CAMK4: variants seen among roughly 807,000 people sequenced by gnomAD.
CAMK4 encodes calcium/calmodulin-dependent protein kinase type IV.
Under a neutral mutation model 44.9 loss-of-function variants are expected in CAMK4, and 22 were observed. The observed-to-expected ratio is 0.49, with a 90% confidence interval of 0.35 to 0.70. The LOEUF is 0.70. CAMK4 is among the 30% of genes least tolerant of loss of function. The probability of loss-of-function intolerance (pLI) is 0.01; values close to 1 mark genes in which losing one functional copy is unlikely to be tolerated. For synonymous variants in CAMK4, 218 were observed against 215.4 expected (o/e 1.01, Z -0.11); for missense variants, 498 against 586.8 (o/e 0.85, Z 1.56).
At chr5:111,378,237 A>C (rs1366170562) in intron 4 of CAMK4, among the ~76,000 whole-genome samples, 1 of 152,106 alleles carries the variant, frequency 6.6e-6, no homozygotes, top group Non-Finnish European at 1.5e-5. Flanking sequence ...GCGGGCCCTC[A>C]CCAGACACAA....
chr5:111,476,832 T>C (rs1459182213), intron 8 of CAMK4, among the ~76,000 whole-genome samples: 1 of 152,204 alleles, frequency 6.6e-6, no homozygotes, highest in Non-Finnish European at 1.5e-5. Context: ...ACACTACAGT[T>C]CTGCCCTAAG....
chr5:111,422,092 A>G (rs1358324194), intron 5 of CAMK4, among the ~76,000 whole-genome samples: 1 of 152,208 alleles, frequency 6.6e-6, no homozygotes, highest in Non-Finnish European at 1.5e-5. Context: ...GAGTGTGAGA[A>G]CGGACTAATA....
rs993979221 is a variant in CAMK4, at chr5:111,384,331, C to T, written c.386+7389C>T. On this transcript the variant is annotated intron_variant, in intron 4 of 10. Transcript: ENST00000282356. ...CAGCGTCTCTTTTTCTCTTGGCTTTCGTCCAACTTTTCAGCCGTCTCCCTC... is the reference window on the plus strand; with the variant it reads ...CAGCGTCTCTTTTTCTCTTGGCTTTTGTCCAACTTTTCAGCCGTCTCCCTC... Among the ~76,000 whole-genome samples, 4 of 152,192 alleles carry T rather than the reference C, an allele frequency of 2.6e-5. No individual in the cohort carries two copies. The South Asian group carries it at 6.2e-4, about 24-fold the overall frequency.
intron 1 of CAMK4, among the ~76,000 whole-genome samples, chr5:111,251,581 A>G (rs1016701508): frequency 1.3e-5 from 2 of 152,236 alleles, no homozygotes; most frequent in Admixed American, 6.5e-5. Flanking sequence ...TTCTTTCTCA[A>G]ATAAAAAACA....
At chr5:111,457,982 G>A (rs766436743) in intron 7 of CAMK4, among the ~76,000 whole-genome samples, 34 of 152,260 alleles carry the variant, frequency 2.2e-4, no homozygotes, top group Admixed American at 1.5e-3. Context: ...CTACTTGACC[G>A]GCTCGTGTGC....
In CAMK4 at chr5:111,490,231, G is replaced by A. The variant is rs1442162915; in HGVS notation, c.*5765G>A. The stretch of plus-strand genomic sequence containing the variant: ...CCTGAGCTCTCTCTCAACTTTGACA[G>A]TTTGTGAATGATAAAAAGTTACTAG... On this transcript the variant is annotated 3_prime_UTR_variant, in exon 11 of 11. Coordinates refer to ENST00000282356, the MANE Select transcript of CAMK4 (RefSeq NM_001744.6). 1 of 152,182 alleles carries A rather than the reference G, an allele frequency of 6.6e-6. No homozygotes were observed. The highest frequency in any genetic ancestry group is 6.5e-5 in the Admixed American group (1 of 15,270). 9.4% of individuals were successfully genotyped at this position (152,182 alleles called of 1,614,324 possible). A position where few individuals can be genotyped will look rare whatever the true frequency, so the allele number is the denominator to read the frequency against.
At position 111,485,094 on chromosome 5, in the gene CAMK4, C is replaced by T. The variant is rs1580815413; in HGVS notation, c.*628C>T. 1 of 152,114 alleles carries T rather than the reference C, an allele frequency of 6.6e-6. No individual in the cohort carries two copies. Among genetic ancestry groups the T allele is most frequent in the East Asian group, 1.9e-4 (1 of 5,196 alleles). The allele number at this position is 152,114 out of a possible 1,614,324, so 9.4% of individuals were successfully genotyped here. A position where few individuals can be genotyped will look rare whatever the true frequency, so the allele number is the denominator to read the frequency against. ...TTTATTTTATTCTTATTTATATACACTATATTAATAATAACCAAAATGTTC... is the reference window on the plus strand; with the variant it reads ...TTTATTTTATTCTTATTTATATACATTATATTAATAATAACCAAAATGTTC... On this transcript the variant is annotated 3_prime_UTR_variant, in exon 11 of 11. Transcript: ENST00000282356.
At chr5:111,267,933 A>T (rs1750336425) in intron 1 of CAMK4, among the ~76,000 whole-genome samples, 4 of 152,202 alleles carry the variant, frequency 2.6e-5, no homozygotes, top group African/African-American at 9.7e-5. Flanking sequence ...TTGTCTGGGT[A>T]GCAAACGGTA....
intron 1 of CAMK4, among the ~76,000 whole-genome samples, chr5:111,288,064 T>C (rs1751309774): frequency 6.6e-6 from 1 of 152,214 alleles, no homozygotes; most frequent in South Asian, 2.1e-4. Context: ...TAAATGAAAT[T>C]ATGTAGTGTA....
chr5:111,391,767 T>A lies in CAMK4; in HGVS notation c.387-2943T>A, dbSNP rs115192822. Among the ~76,000 whole-genome samples, 681 of 152,278 alleles carry A rather than the reference T, an allele frequency of 4.5e-3. 6 individuals are homozygous for A. The highest frequency in any genetic ancestry group is 0.016 in the African/African-American group (653 of 41,564). On this transcript the variant is annotated intron_variant, in intron 4 of 10. Coordinates refer to ENST00000282356, the MANE Select transcript of CAMK4 (RefSeq NM_001744.6). ...TGAAAGATTATGCCACAAATCTGAA[T>A]AACTAAACCCAGAACAACTACCGTG...
At chr5:111,429,491 G>A (rs1162838217) in intron 5 of CAMK4, among the ~76,000 whole-genome samples, 1 of 150,460 alleles carries the variant, frequency 6.6e-6, no homozygotes. Context: ...CCATGGCCAG[G>A]TGGAGTGGCT....
intron 2 of CAMK4, among the ~76,000 whole-genome samples, chr5:111,370,864 G>A (rs189410192): frequency 2.0e-5 from 3 of 152,180 alleles, no homozygotes; most frequent in South Asian, 4.2e-4. Context: ...GCAGTGAGCC[G>A]AGACTGCACC....
At chr5:111,261,931 A>T (rs1222084275) in intron 1 of CAMK4, among the ~76,000 whole-genome samples, 1 of 152,074 alleles carries the variant, frequency 6.6e-6, no homozygotes, top group Non-Finnish European at 1.5e-5. Flanking sequence ...CTTGTGCAGC[A>T]AGCCTTCTCT....
intron 5 of CAMK4, among the ~76,000 whole-genome samples, chr5:111,440,764 G>T (rs892444441): frequency 6.6e-6 from 1 of 151,932 alleles, no homozygotes; most frequent in Non-Finnish European, 1.5e-5. Context: ...CAAAACAGAA[G>T]GAAAAAATAT....
intron 2 of CAMK4, among the ~76,000 whole-genome samples, chr5:111,359,182 A>T (rs567948274): frequency 6.6e-6 from 1 of 152,266 alleles, no homozygotes; most frequent in South Asian, 2.1e-4. Flanking sequence ...TTACACTCCC[A>T]CCAACAGTGT....
intron 6 of CAMK4, among the ~76,000 whole-genome samples, chr5:111,447,945 A>G (rs902482342): frequency 2.6e-5 from 4 of 152,200 alleles, no homozygotes; most frequent in Non-Finnish European, 5.9e-5. Flanking sequence ...CCTTAAAGCA[A>G]TTTCTTTAAA....
At chr5:111,325,628 G>A (rs1340364205) in intron 1 of CAMK4, among the ~76,000 whole-genome samples, 2 of 152,068 alleles carry the variant, frequency 1.3e-5, no homozygotes, top group Non-Finnish European at 2.9e-5. Flanking sequence ...TGTAATGACT[G>A]GTGATGATGA....
intron 5 of CAMK4, among the ~76,000 whole-genome samples, chr5:111,405,079 A>C (rs1244250185): frequency 6.6e-6 from 1 of 152,208 alleles, no homozygotes; most frequent in Non-Finnish European, 1.5e-5. Context: ...TTAGTGATTC[A>C]AAGTCATCAG....
At chr5:111,293,001 C>T (rs1377173794) in intron 1 of CAMK4, among the ~76,000 whole-genome samples, 2 of 152,090 alleles carry the variant, frequency 1.3e-5, no homozygotes, top group African/African-American at 4.8e-5. Context: ...AATGTGCCTG[C>T]CTTTAAAAGT....
Sources: gnomAD v4.1 joint callset for allele counts (sites outside exome capture counted in the v4.1 genomes callset) on GRCh38, gnomAD v4.1.1 for gene constraint, MANE v1.5 for transcripts, NCBI Gene and HGNC (gene_info 2026-07-23, HGNC 2026-07-21) for gene names.